The following PSD3 variants were observed in gnomAD, a reference collection of about 807,000 sequenced individuals.
PSD3 encodes PH and SEC7 domain-containing protein 3.
In PSD3, 49 loss-of-function variants were observed where a neutral mutation model predicts 105.5. The ratio of observed to expected loss-of-function variants is 0.46; its 90% confidence interval spans 0.37 to 0.59. The LOEUF (loss-of-function observed/expected upper bound fraction) is 0.59, where lower values mean the gene tolerates loss of function less well. PSD3 is among the 20% of genes least tolerant of loss of function. The pLI, the probability that PSD3 is intolerant of heterozygous loss-of-function variation, is 0.00. For synonymous variants in PSD3, 557 were observed against 457.8 expected (o/e 1.22, Z -2.77); for missense variants, 1,561 against 1,263.8 (o/e 1.24, Z -3.57).
At chr8:18,788,161 A>G (rs566688187) in intron 8 of PSD3, among the ~76,000 whole-genome samples, 1 of 152,306 alleles carries the variant, frequency 6.6e-6, no homozygotes, top group Admixed American at 6.5e-5. Flanking sequence ...TGAGGACAAC[A>G]TCGTGAGCGA....
chr8:19,053,263 G>C (rs757676803), intron 1 of PSD3, among the ~76,000 whole-genome samples: 17 of 152,154 alleles, frequency 1.1e-4, no homozygotes, highest in Non-Finnish European at 1.8e-4. Flanking sequence ...ATGGGGATGT[G>C]TGGTGGCTCT....
At chr8:18,813,342 A>G (rs1393098556) in intron 4 of PSD3, among the ~76,000 whole-genome samples, 2 of 152,198 alleles carry the variant, frequency 1.3e-5, no homozygotes, top group African/African-American at 2.4e-5. Context: ...GATAGGTACA[A>G]GGTACACACA....
chr8:18,667,247 T>C (rs1411182998), intron 9 of PSD3, among the ~76,000 whole-genome samples: 2 of 152,166 alleles, frequency 1.3e-5, no homozygotes, highest in African/African-American at 2.4e-5. Flanking sequence ...TGGTCCATTT[T>C]GACAAGGTGC....
intron 4 of PSD3, among the ~76,000 whole-genome samples, chr8:18,820,704 C>A (rs563003502): frequency 6.6e-6 from 1 of 152,042 alleles, no homozygotes; most frequent in African/African-American, 2.4e-5. Flanking sequence ...CAATGTGGAA[C>A]CCACAAATAC....
chr8:18,913,458 G>T (rs1329748443), intron 2 of PSD3, among the ~76,000 whole-genome samples: 12 of 152,072 alleles, frequency 7.9e-5, no homozygotes, highest in Admixed American at 6.5e-4. Flanking sequence ...AAAGGCTTCA[G>T]ACCTGCACCC....
chr8:18,715,073 T>C (rs1434626719), intron 9 of PSD3, among the ~76,000 whole-genome samples: 3 of 152,114 alleles, frequency 2.0e-5, no homozygotes, highest in African/African-American at 2.4e-5. Flanking sequence ...AAGTGGGAGA[T>C]GAACAAGGAG....
chr8:18,877,092 G>T (rs989932040), intron 2 of PSD3, among the ~76,000 whole-genome samples: 1 of 152,154 alleles, frequency 6.6e-6, no homozygotes, highest in African/African-American at 2.4e-5. Flanking sequence ...CTTTGCAAAT[G>T]TTTTCTACCA....
intron 1 of PSD3, among the ~76,000 whole-genome samples, chr8:19,071,170 G>A (rs1047954380): frequency 5.3e-5 from 8 of 151,422 alleles, no homozygotes; most frequent in Non-Finnish European, 1.2e-4. Flanking sequence ...AGTGATTCTC[G>A]TGCCTCAGCC....
chr8:18,731,577 TA>T (rs1469331991), intron 9 of PSD3, among the ~76,000 whole-genome samples: 2 of 152,100 alleles, frequency 1.3e-5, no homozygotes, highest in Non-Finnish European at 2.9e-5. Flanking sequence ...GGAGAAACAA[TA>T]AATCTTTTAA....
intron 2 of PSD3, among the ~76,000 whole-genome samples, chr8:18,910,645 A>T (rs1249885298): frequency 6.7e-6 from 1 of 148,644 alleles, no homozygotes; most frequent in Non-Finnish European, 1.5e-5. Context: ...AATAAAAAAA[A>T]AAAAAAAAAA....
chr8:18,590,318 GA>G (rs1803506672), intron 12 of PSD3, among the ~76,000 whole-genome samples: 1 of 152,182 alleles, frequency 6.6e-6, no homozygotes, highest in Non-Finnish European at 1.5e-5. Flanking sequence ...CAGTACTGCG[GA>G]TAGTAAATCA....
chr8:18,588,751 C>A (rs1450148915), intron 12 of PSD3, among the ~76,000 whole-genome samples: 5 of 152,174 alleles, frequency 3.3e-5, no homozygotes, highest in African/African-American at 1.2e-4. Flanking sequence ...GTTCCCTTGT[C>A]AATACTAACC....
At chr8:19,066,426 T>A (rs112535073) in intron 1 of PSD3, among the ~76,000 whole-genome samples, 21 of 152,206 alleles carry the variant, frequency 1.4e-4, no homozygotes, top group African/African-American at 5.1e-4. Flanking sequence ...ACCAACACAC[T>A]ACTATCTTAG....
intron 11 of PSD3, among the ~76,000 whole-genome samples, chr8:18,619,532 A>G (rs1374974214): frequency 2.0e-5 from 3 of 151,958 alleles, no homozygotes; most frequent in Non-Finnish European, 4.4e-5. Context: ...AATCCCAGCT[A>G]CTTGGGAGGC....
At chr8:18,805,045 C>A (rs1235286221) in intron 4 of PSD3, 147 bp from the exon 5 acceptor site, 1 of 732,308 alleles carries the variant, frequency 1.4e-6, no homozygotes, top group Non-Finnish European at 2.1e-6. Context: ...AAAATTTTTT[C>A]AGTTACCATA....
At chr8:18,757,441 G>A (rs2129441486) in intron 9 of PSD3, among the ~76,000 whole-genome samples, 1 of 152,216 alleles carries the variant, frequency 6.6e-6, no homozygotes, top group Middle Eastern at 3.4e-3. Flanking sequence ...TCCAGCCTGG[G>A]CAACAAGGCA....
intron 1 of PSD3, among the ~76,000 whole-genome samples, chr8:18,955,581 T>G (rs1823515931): frequency 1.3e-5 from 2 of 152,130 alleles, no homozygotes; most frequent in South Asian, 4.1e-4. Context: ...CTTTTCTGAT[T>G]ATTCGTTTAT....
chr8:18,751,475 C>T (rs1805486047), intron 9 of PSD3, among the ~76,000 whole-genome samples: 1 of 152,276 alleles, frequency 6.6e-6, no homozygotes, highest in Non-Finnish European at 1.5e-5. Flanking sequence ...ACACAGGCTC[C>T]AGAAGCCTAA....
intron 2 of PSD3, among the ~76,000 whole-genome samples, chr8:18,921,368 C>T (rs948351118): frequency 3.3e-5 from 5 of 152,236 alleles, no homozygotes; most frequent in Non-Finnish European, 7.3e-5. Flanking sequence ...ATGTGCATGA[C>T]AACAAACACT....
Sources: allele counts gnomAD v4.1 joint callset (sites outside exome capture counted in the v4.1 genomes callset), GRCh38; gene constraint gnomAD v4.1.1; transcripts MANE v1.5; gene names NCBI Gene and HGNC (gene_info 2026-07-23, HGNC 2026-07-21).